The following AGAP1 variants were observed in gnomAD, a reference collection of about 807,000 sequenced individuals.
AGAP1 encodes ArfGAP with GTPase domain, ankyrin repeat and PH domain 1.
AGAP1 carries 29 observed loss-of-function variants against 105.3 expected under a neutral mutation model. The observed-to-expected ratio is 0.28, with a 90% CI of 0.21 to 0.38. The LOEUF (loss-of-function observed/expected upper bound fraction) is 0.38, where lower values mean the gene tolerates loss of function less well. Among genes scored for constraint, AGAP1 ranks in the 10% least tolerant of loss-of-function variants. The probability of loss-of-function intolerance (pLI) is 1.00; values close to 1 mark genes in which losing one functional copy is unlikely to be tolerated. For synonymous variants in AGAP1, 509 were observed against 485.9 expected, an observed-to-expected ratio of 1.05 and a Z score of -0.63; for missense variants, 998 against 1,165.1, an observed-to-expected ratio of 0.86 and a Z score of 2.09.
rs1943928575 is a variant in AGAP1 at position 235,555,017 on chromosome 2, T to TC, written c.163+60169dup. Among the ~76,000 whole-genome samples, 1 of 152,126 alleles carries TC rather than the reference T, an allele frequency of 6.6e-6. No homozygotes were observed. The highest frequency in any genetic ancestry group is 2.4e-5 in the African/African-American group (1 of 41,430). On this transcript the variant is annotated intron_variant, in intron 1 of 17. Coordinates refer to ENST00000304032, the MANE Select transcript of AGAP1 (RefSeq NM_001037131.3). The surrounding 1 kb of genome is among the most constrained non-coding windows in gnomAD (Gnocchi z 5.1). Reference sequence around the variant, plus strand: ...AAACAATGCTTTCTCTCCAGCCAGTTCAATTGTAGAGGGTCCTGGAGAGGA... The same window carrying TC: ...AAACAATGCTTTCTCTCCAGCCAGTTCCAATTGTAGAGGGTCCTGGAGAGGA...
chr2:235,564,894 G>A (rs1227334569), intron 1 of AGAP1, among the ~76,000 whole-genome samples: 1 of 140,338 alleles, frequency 7.1e-6, no homozygotes, highest in Non-Finnish European at 1.5e-5. Flanking sequence ...GCCTGGACCA[G>A]CACCCAGAGC....
chr2:235,801,480 G>T lies in AGAP1; in HGVS notation c.957+1958G>T, dbSNP rs1487562649. On this transcript the variant is annotated intron_variant, in intron 8 of 17. Coordinates refer to ENST00000304032, the MANE Select transcript of AGAP1 (RefSeq NM_001037131.3). This position sits in a 1 kb window ranked among gnomAD's most constrained non-coding sequence, Gnocchi z 6.0. ...TCTCACATGCTTAAATTAGTGCATG[G>T]ATAACATGTTTTATTGGGCAGTTTC... Among the ~76,000 whole-genome samples the T allele has an allele frequency of 6.6e-6, 1 of 152,068 alleles. No homozygotes were observed. The highest frequency in any genetic ancestry group is 1.5e-5 in the Non-Finnish European group (1 of 68,012).
Position 236,082,260 on chromosome 2 carries a change from T to A in AGAP1, c.2114+32979T>A, listed in dbSNP as rs932788038. Among the ~76,000 whole-genome samples, 1 of 152,240 alleles carries A rather than the reference T, an allele frequency of 6.6e-6. No homozygotes were observed. Among genetic ancestry groups the A allele is most frequent in the Non-Finnish European group, 1.5e-5 (1 of 68,042 alleles). On this transcript the variant is annotated intron_variant, in intron 16 of 17. Transcript: ENST00000304032. This position sits in a 1 kb window ranked among gnomAD's most constrained non-coding sequence, Gnocchi z 4.2. Reference sequence around the variant, plus strand: ...TGATCTCATCGCTGGAAGTTATAGATGCAGATATTATTTGCACTGCGGTTA... The same window carrying A: ...TGATCTCATCGCTGGAAGTTATAGAAGCAGATATTATTTGCACTGCGGTTA...
Position 235,924,934 on chromosome 2 carries a change from C to T in AGAP1, c.1325-5831C>T, listed in dbSNP as rs369519554. On this transcript the variant is annotated intron_variant, in intron 11 of 17. Coordinates refer to ENST00000304032, the MANE Select transcript of AGAP1 (RefSeq NM_001037131.3). ...TAACACAGAGCAGAGAGCACCTGCC[C>T]GTGTCCACACCCAGAGGAAGAAGAA... Among the ~76,000 whole-genome samples, 53 of 129,266 alleles carry T rather than the reference C, an allele frequency of 4.1e-4. No homozygotes were observed. The East Asian group carries it at 9.0e-3, about 22-fold the overall frequency. The allele number at this position is 129,266 out of a possible 152,430, so 84.8% of individuals were successfully genotyped here. A position where few individuals can be genotyped will look rare whatever the true frequency, so the allele number is the denominator to read the frequency against.
In AGAP1 at chr2:235,732,893, C is replaced by T. The variant is rs187175791; in HGVS notation, c.311-8070C>T. On this transcript the variant is annotated intron_variant, in intron 3 of 17. Transcript: ENST00000304032. The surrounding 1 kb of genome is among the most constrained non-coding windows in gnomAD (Gnocchi z 4.8). ...CTACCCACACTCCCATTTGCCAGAC[C>T]TCAGCCACCTCCCCCAGCCAGCCCC... Among the ~76,000 whole-genome samples, 1 of 152,302 alleles carries T rather than the reference C, an allele frequency of 6.6e-6. No homozygotes were observed. Among genetic ancestry groups the T allele is most frequent in the African/African-American group, 2.4e-5 (1 of 41,558 alleles).
At chr2:235,710,862 A>G (rs1379454875) in intron 2 of AGAP1, among the ~76,000 whole-genome samples, 5 of 152,244 alleles carry the variant, frequency 3.3e-5, no homozygotes, top group African/African-American at 1.2e-4. Context: ...ACTGGTGGTG[A>G]TGGTGTGGAT....
At chr2:235,588,228 CAA>C (rs34739482) in intron 1 of AGAP1, among the ~76,000 whole-genome samples, 2 of 131,510 alleles carry the variant, frequency 1.5e-5, no homozygotes. Context: ...GACTCCGTCT[CAA>C]AAAAAAAAAA....
intron 1 of AGAP1, among the ~76,000 whole-genome samples, chr2:235,703,573 C>T (rs1237093335): frequency 7.0e-6 from 1 of 143,330 alleles, no homozygotes; most frequent in Non-Finnish European, 1.5e-5. Flanking sequence ...TCCCCTCCCC[C>T]GCTTCCCTCC....
intron 16 of AGAP1, among the ~76,000 whole-genome samples, chr2:236,068,454 G>A (rs2058406407): frequency 6.6e-6 from 1 of 152,052 alleles, no homozygotes; most frequent in Non-Finnish European, 1.5e-5. Flanking sequence ...TTGGCAATAT[G>A]TGTCAATAGC....
In AGAP1 at chr2:235,721,286, G is replaced by T. The variant is rs757751707; in HGVS notation, c.310+3642G>T. Among the ~76,000 whole-genome samples the T allele has an allele frequency of 1.3e-5, 2 of 152,214 alleles. No individual in the cohort carries two copies. The highest frequency in any genetic ancestry group is 1.3e-4 in the Admixed American group (2 of 15,282). ...GCCTCCCAAAGTGCTGGGATTACAG[G>T]CATGAGCCACCACGTCCAGCCAAGA... On this transcript the variant is annotated intron_variant, in intron 3 of 17. Transcript: ENST00000304032. The surrounding 1 kb of genome is among the most constrained non-coding windows in gnomAD (Gnocchi z 4.5).
chr2:235,973,902 G>A lies in AGAP1; in HGVS notation c.1645+5279G>A, dbSNP rs557597634. ...TCAAGGGTATGTGCCAGGGAAAAGC[G>A]CCTGGGCAGTGGGATTTTGCAGATC... On this transcript the variant is annotated intron_variant, in intron 13 of 17. Coordinates refer to ENST00000304032, the MANE Select transcript of AGAP1 (RefSeq NM_001037131.3). This position sits in a 1 kb window ranked among gnomAD's most constrained non-coding sequence, Gnocchi z 4.7. 3.3e-5 allele frequency among the ~76,000 whole-genome samples: 5 copies of A among 152,250 alleles called. No homozygotes were observed. Among genetic ancestry groups the A allele is most frequent in the South Asian group, 2.1e-4 (1 of 4,818 alleles).
chr2:235,627,890 A>G lies in AGAP1; in HGVS notation c.164-81289A>G, dbSNP rs747324131. Among the ~76,000 whole-genome samples the G allele has an allele frequency of 4.6e-5, 7 of 152,292 alleles. 1 individual carries two copies. The South Asian group carries it at 1.2e-3, about 27-fold the overall frequency. On this transcript the variant is annotated intron_variant, in intron 1 of 17. Transcript: ENST00000304032. The stretch of plus-strand genomic sequence containing the variant: ...GGTCAGAACTAGAAAAATATGTCCT[A>G]TAATCTTCTCAATGGGAGGGAGGAA...
At chr2:235,636,686 G>A (rs890560721) in intron 1 of AGAP1, among the ~76,000 whole-genome samples, 4 of 152,166 alleles carry the variant, frequency 2.6e-5, no homozygotes, top group South Asian at 2.1e-4. Context: ...TGACCAAGTC[G>A]TCGTGTCATC....
chr2:235,896,221 G>A (rs1249548795), intron 10 of AGAP1, among the ~76,000 whole-genome samples: 2 of 152,126 alleles, frequency 1.3e-5, no homozygotes, highest in Non-Finnish European at 2.9e-5. Context: ...TTTATGACTG[G>A]CTTGTTGCAT....
rs376506387 is a variant in AGAP1 at position 235,721,061 on chromosome 2, G to A, written c.310+3417G>A. On this transcript the variant is annotated intron_variant, in intron 3 of 17. Transcript: ENST00000304032. The surrounding 1 kb of genome is among the most constrained non-coding windows in gnomAD (Gnocchi z 4.5). ...CTTACTCTGTCACCCAGACTGGAGT[G>A]CAGTGGCGTGATCTCAGCTCACTCC... Among the ~76,000 whole-genome samples the A allele has an allele frequency of 4.3e-4, 66 of 152,280 alleles. 2 individuals carry two copies. The South Asian group carries it at 0.013, about 31-fold the overall frequency.
At position 236,056,864 on chromosome 2, in the gene AGAP1, T is replaced by C. The variant is rs1324188366; in HGVS notation, c.2114+7583T>C. Among the ~76,000 whole-genome samples, 9 of 152,184 alleles carry C rather than the reference T, an allele frequency of 5.9e-5. No homozygotes were observed. Among genetic ancestry groups the C allele is most frequent in the Non-Finnish European group, 7.3e-5 (5 of 68,036 alleles). On this transcript the variant is annotated intron_variant, in intron 16 of 17. Coordinates refer to ENST00000304032, the MANE Select transcript of AGAP1 (RefSeq NM_001037131.3). The surrounding 1 kb of genome is among the most constrained non-coding windows in gnomAD (Gnocchi z 4.6). Reference sequence around the variant, plus strand: ...TCCAGATGCCGCTCTGCAGTCCTGCTGCTGCTCCTGTTCCTTTTCTGCCAA... The same window carrying C: ...TCCAGATGCCGCTCTGCAGTCCTGCCGCTGCTCCTGTTCCTTTTCTGCCAA...
chr2:236,053,727 G>A lies in AGAP1; in HGVS notation c.2114+4446G>A, dbSNP rs1164063095. Among the ~76,000 whole-genome samples, 7 of 152,216 alleles carry A rather than the reference G, an allele frequency of 4.6e-5. No homozygotes were observed. Among genetic ancestry groups the A allele is most frequent in the Non-Finnish European group, 7.3e-5 (5 of 68,030 alleles). On this transcript the variant is annotated intron_variant, in intron 16 of 17. Coordinates refer to ENST00000304032, the MANE Select transcript of AGAP1 (RefSeq NM_001037131.3). This position sits in a 1 kb window ranked among gnomAD's most constrained non-coding sequence, Gnocchi z 4.6. ...AGTGCAGGTAGCCTGTTTACTTGGC[G>A]GCTTAGGAGCCTGCTGATTTGGGCC...
At chr2:235,955,448 TTCA>T in intron 12 of AGAP1, among the ~76,000 whole-genome samples, 1 of 152,286 alleles carries the variant, frequency 6.6e-6, no homozygotes, top group South Asian at 2.1e-4. Context: ...AATGCTCATG[TTCA>T]TGAGCCTGTG....
chr2:235,820,752 T>A (rs867026776), intron 9 of AGAP1, among the ~76,000 whole-genome samples: 2 of 152,224 alleles, frequency 1.3e-5, no homozygotes, highest in Non-Finnish European at 2.9e-5. Context: ...AAGTAATGAT[T>A]AGGCAATGAG....
Sources: gnomAD v4.1 joint callset for allele counts (sites outside exome capture counted in the v4.1 genomes callset) on GRCh38, gnomAD v4.1.1 for gene constraint, Gnocchi (gnomAD v3.1) non-coding constraint, MANE v1.5 for transcripts, NCBI Gene and HGNC (gene_info 2026-07-23, HGNC 2026-07-21) for gene names.